Variants in LHFPL6 observed in about 807,000 individuals in gnomAD.
The protein encoded by LHFPL6 is LHFPL tetraspan subfamily member 6 protein.
LHFPL6 carries 9 observed loss-of-function variants against 20.6 expected under a neutral mutation model. The observed-to-expected ratio is 0.44, with a 90% CI of 0.26 to 0.76. The LOEUF (loss-of-function observed/expected upper bound fraction) is 0.76. Among genes scored for constraint, LHFPL6 ranks in the 30% least tolerant of loss-of-function variants. The pLI, the probability that LHFPL6 is intolerant of heterozygous loss-of-function variation, is 0.20. For missense variants in LHFPL6, 218 were observed against 253.5 expected (o/e 0.86, Z 0.95); for synonymous variants, 105 against 98.7 (o/e 1.06, Z -0.38).
chr13:39,378,382 T>C, intron 3 of LHFPL6, 46 bp downstream of exon 3: 1 of 1,492,618 alleles, frequency 6.7e-7, no homozygotes, highest in Non-Finnish European at 9.3e-7. Context: ...AAACATCAGA[T>C]AAGGTTCTTT....
chr13:39,549,214 T>G (rs1321799651), intron 2 of LHFPL6, among the ~76,000 whole-genome samples: 1 of 152,158 alleles, frequency 6.6e-6, no homozygotes, highest in Non-Finnish European at 1.5e-5. Flanking sequence ...TCAACTGATT[T>G]TCAACGAAAG....
intron 2 of LHFPL6, among the ~76,000 whole-genome samples, chr13:39,397,444 AT>A (rs1870871558): frequency 1.3e-5 from 2 of 152,370 alleles, no homozygotes; most frequent in African/African-American, 4.8e-5. Context: ...CATGCCTGAC[AT>A]GTGAGATGCA....
chr13:39,509,658 G>A (rs1050467417), intron 2 of LHFPL6, among the ~76,000 whole-genome samples: 4 of 152,040 alleles, frequency 2.6e-5, no homozygotes, highest in African/African-American at 7.3e-5. Context: ...AATAAAGAAG[G>A]GGCTTTAAAA....
intron 3 of LHFPL6, among the ~76,000 whole-genome samples, chr13:39,368,677 T>C (rs991264400): frequency 6.6e-6 from 1 of 152,168 alleles, no homozygotes; most frequent in Non-Finnish European, 1.5e-5. Flanking sequence ...TGATTTATGA[T>C]CTTTAGAAAG....
intron 2 of LHFPL6, among the ~76,000 whole-genome samples, chr13:39,520,702 G>C (rs181629798): frequency 6.6e-6 from 1 of 152,134 alleles, no homozygotes; most frequent in Non-Finnish European, 1.5e-5. Flanking sequence ...CAACAACAGC[G>C]ATGGCATCGC....
At chr13:39,421,874 C>T (rs1871498736) in intron 2 of LHFPL6, among the ~76,000 whole-genome samples, 2 of 152,154 alleles carry the variant, frequency 1.3e-5, no homozygotes, top group African/African-American at 2.4e-5. Flanking sequence ...TGGAGAAATG[C>T]ACACCTACAA....
At chr13:39,368,929 T>C (rs1870082863) in intron 3 of LHFPL6, among the ~76,000 whole-genome samples, 1 of 152,180 alleles carries the variant, frequency 6.6e-6, no homozygotes, top group South Asian at 2.1e-4. Context: ...CTTTCTGTTT[T>C]ATATTTTATA....
chr13:39,450,362 T>C (rs538880622), intron 2 of LHFPL6, among the ~76,000 whole-genome samples: 22 of 152,204 alleles, frequency 1.4e-4, no homozygotes, highest in African/African-American at 5.1e-4. Context: ...AGTAGAAGAG[T>C]TGATGTTCAT....
chr13:39,592,160 G>C (rs1327482077), intron 2 of LHFPL6, among the ~76,000 whole-genome samples: 1 of 150,264 alleles, frequency 6.7e-6, no homozygotes, highest in African/African-American at 2.4e-5. Flanking sequence ...TCACAGGAAA[G>C]CATCAAAACA....
intron 2 of LHFPL6, among the ~76,000 whole-genome samples, chr13:39,458,895 T>C: frequency 6.6e-6 from 1 of 152,200 alleles, no homozygotes; most frequent in East Asian, 1.9e-4. Context: ...AAGAAATAAC[T>C]TGAAGAATTA....
intron 2 of LHFPL6, among the ~76,000 whole-genome samples, chr13:39,381,503 C>T (rs1191153186): frequency 2.0e-5 from 3 of 152,074 alleles, no homozygotes; most frequent in Non-Finnish European, 2.9e-5. Flanking sequence ...AGATACTCCC[C>T]TCCAACAACG....
At chr13:39,386,751 G>A (rs1248313853) in intron 2 of LHFPL6, among the ~76,000 whole-genome samples, 1 of 152,190 alleles carries the variant, frequency 6.6e-6, no homozygotes, top group African/African-American at 2.4e-5. Flanking sequence ...GCCAGGTCCT[G>A]GTCATCCTGT....
At chr13:39,385,276 A>T (rs1870536201) in intron 2 of LHFPL6, among the ~76,000 whole-genome samples, 1 of 152,244 alleles carries the variant, frequency 6.6e-6, no homozygotes, top group South Asian at 2.1e-4. Flanking sequence ...GTTCATTTTA[A>T]TAATGCATTG....
At chr13:39,506,686 T>C (rs1411369237) in intron 2 of LHFPL6, among the ~76,000 whole-genome samples, 1 of 151,778 alleles carries the variant, frequency 6.6e-6, no homozygotes, top group Admixed American at 6.6e-5. Context: ...TGGGAAAGGG[T>C]TGAATGGCAG....
At chr13:39,430,813 T>C (rs1192920379) in intron 2 of LHFPL6, among the ~76,000 whole-genome samples, 2 of 152,118 alleles carry the variant, frequency 1.3e-5, no homozygotes, top group African/African-American at 4.8e-5. Context: ...CAATCAGCAC[T>C]CTGTAAAATG....
intron 2 of LHFPL6, among the ~76,000 whole-genome samples, chr13:39,457,180 A>G (rs1434776712): frequency 6.6e-6 from 1 of 152,246 alleles, no homozygotes; most frequent in Admixed American, 6.5e-5. Context: ...CTTATATTTG[A>G]AAAAACACAG....
chr13:39,573,716 A>C (rs987527998), intron 2 of LHFPL6, among the ~76,000 whole-genome samples: 2 of 152,176 alleles, frequency 1.3e-5, no homozygotes, highest in African/African-American at 4.8e-5. Context: ...AGGAAAAATA[A>C]CTAAAGAAAA....
chr13:39,570,480 TA>T (rs1871879930), intron 2 of LHFPL6, among the ~76,000 whole-genome samples: 1 of 151,766 alleles, frequency 6.6e-6, no homozygotes, highest in African/African-American at 2.4e-5. Flanking sequence ...AAGGATTCAT[TA>T]AAAACATGGC....
chr13:39,426,620 A>G (rs1196931608), intron 2 of LHFPL6, among the ~76,000 whole-genome samples: 1 of 152,250 alleles, frequency 6.6e-6, no homozygotes, highest in Non-Finnish European at 1.5e-5. Flanking sequence ...TTCACTTAGA[A>G]TAACATTTTC....
Sources: allele counts gnomAD v4.1 joint callset (sites outside exome capture counted in the v4.1 genomes callset), GRCh38; gene constraint gnomAD v4.1.1; transcripts MANE v1.5; gene names NCBI Gene and HGNC (gene_info 2026-07-23, HGNC 2026-07-21).